Variants in NDP observed in about 807,000 individuals in gnomAD.
NDP encodes the protein norrin.
In NDP, 2 loss-of-function variants were observed where a neutral mutation model predicts 8.4. That is an observed-to-expected ratio of 0.24 (90% CI 0.10 to 0.75). The LOEUF (loss-of-function observed/expected upper bound fraction) is 0.75. Among genes scored for constraint, NDP ranks in the 30% least tolerant of loss-of-function variants. The pLI is 0.73. For synonymous variants in NDP, 55 were observed against 45.6 expected, an observed-to-expected ratio of 1.21 and a Z score of -0.83; for missense variants, 81 against 110.1, an observed-to-expected ratio of 0.74 and a Z score of 1.18.
intron 2 of NDP, among the ~76,000 whole-genome samples, chrX:43,955,941 G>A (rs1285986202): frequency 8.9e-6 from 1 of 112,132 alleles, no homozygotes; most frequent in African/African-American, 3.2e-5. Flanking sequence ...CAGAAGCAGA[G>A]CCTGAACTTC....
intron 2 of NDP, among the ~76,000 whole-genome samples, chrX:43,955,436 A>G (rs1305724752): frequency 8.9e-6 from 1 of 112,055 alleles, no homozygotes; most frequent in Non-Finnish European, 1.9e-5. Context: ...AAAGTCACTC[A>G]TTCGGCAAGC....
At chrX:43,950,875 A>T (rs1281135991) in intron 2 of NDP, among the ~76,000 whole-genome samples, 1 of 111,837 alleles carries the variant, frequency 8.9e-6, no homozygotes, top group East Asian at 2.8e-4. Context: ...AAAAATGTAC[A>T]TAAGCACACA....
At chrX:43,966,725 C>T (rs2035859786) in intron 1 of NDP, 1 of 111,899 alleles carries the variant, frequency 8.9e-6, no homozygotes, top group South Asian at 3.7e-4. Context: ...CCAATGTTAG[C>T]TCAGGGTACA....
chrX:43,953,344 C>T (rs778246739), intron 2 of NDP: 14 of 112,339 alleles, frequency 1.2e-4, no homozygotes, highest in African/African-American at 3.6e-4. Context: ...TGATCTCTTC[C>T]GGATCAGAGC....
chrX:43,962,779 A>G (rs1379896440), intron 1 of NDP, among the ~76,000 whole-genome samples: 1 of 111,749 alleles, frequency 8.9e-6, no homozygotes, highest in Non-Finnish European at 1.9e-5. Flanking sequence ...TCCAATGTGG[A>G]GCCTCTGCCG....
At chrX:43,972,341 A>G (rs1485281142) in intron 1 of NDP, among the ~76,000 whole-genome samples, 1 of 111,257 alleles carries the variant, frequency 9.0e-6, no homozygotes, top group Non-Finnish European at 1.9e-5. Flanking sequence ...AGTCATTAAC[A>G]TTCTGTACAC....
intron 1 of NDP, among the ~76,000 whole-genome samples, chrX:43,961,303 T>C (rs187187242): frequency 1.3e-3 from 150 of 112,643 alleles, no homozygotes; most frequent in Non-Finnish European, 7.1e-4. Context: ...GACCCAGCAA[T>C]TCCACTTCTG....
chrX:43,951,732 T>C (rs1176583752), intron 2 of NDP, among the ~76,000 whole-genome samples: 5 of 110,640 alleles, frequency 4.5e-5, no homozygotes, highest in Non-Finnish European at 9.5e-5. Flanking sequence ...TCTGAGAATA[T>C]ACTGGGGCTA....
intron 2 of NDP, among the ~76,000 whole-genome samples, chrX:43,951,254 A>G (rs888291673): frequency 9.1e-6 from 1 of 109,742 alleles, no homozygotes; most frequent in Non-Finnish European, 1.9e-5. Flanking sequence ...CTCTAAAAAA[A>G]AAAATAAAAA....
Position 43,956,938 on chromosome X carries a change from C to T in NDP, c.174+1534G>A, listed in dbSNP as rs151174708. On this transcript the variant is annotated intron_variant, in intron 2 of 2. Coordinates refer to ENST00000642620, the MANE Select transcript of NDP (RefSeq NM_000266.4). ...CTTCGCTAGATTAATGTGATTGTTGCCAAAGTACTCCTCCATCATTTTGTC... is the reference window on the plus strand; with the variant it reads ...CTTCGCTAGATTAATGTGATTGTTGTCAAAGTACTCCTCCATCATTTTGTC... 6.7e-3 allele frequency among the ~76,000 whole-genome samples: 744 copies of T among 111,784 alleles called. 8 individuals are homozygous for T. The highest frequency in any genetic ancestry group is 0.023 in the African/African-American group (716 of 30,837).
At chrX:43,962,631 C>A (rs1305656524) in intron 1 of NDP, among the ~76,000 whole-genome samples, 3 of 111,885 alleles carry the variant, frequency 2.7e-5, no homozygotes, top group Non-Finnish European at 5.6e-5. Context: ...AGACTTAGAA[C>A]CTTGGCCCAG....
intron 1 of NDP, among the ~76,000 whole-genome samples, chrX:43,971,682 G>A (rs1161977706): frequency 2.7e-5 from 3 of 111,410 alleles, no homozygotes; most frequent in South Asian, 3.7e-4. Flanking sequence ...TTTGCTAACC[G>A]CAGTTTTTTT....
chrX:43,951,364 A>G (rs2035760743), intron 2 of NDP, among the ~76,000 whole-genome samples: 2 of 111,289 alleles, frequency 1.8e-5, no homozygotes, highest in South Asian at 7.7e-4. Flanking sequence ...GCAGGAAGCT[A>G]TGATCAAGCC....
chrX:43,962,630 A>G (rs779885805), intron 1 of NDP, among the ~76,000 whole-genome samples: 1 of 111,875 alleles, frequency 8.9e-6, no homozygotes, highest in Admixed American at 9.5e-5. Context: ...AAGACTTAGA[A>G]CCTTGGCCCA....
chrX:43,963,591 A>G (rs1194519992), intron 1 of NDP, among the ~76,000 whole-genome samples: 1 of 112,391 alleles, frequency 8.9e-6, no homozygotes, highest in Admixed American at 9.4e-5. Context: ...TCAAAGATTT[A>G]TAAGTGGAAG....
intron 1 of NDP, among the ~76,000 whole-genome samples, chrX:43,959,420 C>A (rs986740815): frequency 9.0e-6 from 1 of 111,706 alleles, no homozygotes; most frequent in African/African-American, 3.3e-5. Context: ...CCCATAGCAC[C>A]CAGCACTGAT....
chrX:43,962,321 T>C (rs1422805477), intron 1 of NDP, among the ~76,000 whole-genome samples: 3 of 108,866 alleles, frequency 2.8e-5, no homozygotes, highest in Admixed American at 9.9e-5. Flanking sequence ...ACCAACACTG[T>C]TGTATTGAAG....
At chrX:43,970,798 C>T (rs1360645419) in intron 1 of NDP, among the ~76,000 whole-genome samples, 2 of 111,534 alleles carry the variant, frequency 1.8e-5, no homozygotes, top group Non-Finnish European at 3.8e-5. Context: ...ACTGAGTAGG[C>T]GACTCACACC....
chrX:43,952,236 T>TGA (rs947810852), intron 2 of NDP, among the ~76,000 whole-genome samples: 1 of 111,439 alleles, frequency 9.0e-6, no homozygotes, highest in African/African-American at 3.3e-5. Flanking sequence ...ATTTCTCTAA[T>TGA]GAGAGAGAGA....
Sources: gnomAD v4.1 joint callset for allele counts (sites outside exome capture counted in the v4.1 genomes callset) on GRCh38, gnomAD v4.1.1 for gene constraint, MANE v1.5 for transcripts, NCBI Gene and HGNC (gene_info 2026-07-23, HGNC 2026-07-21) for gene names.